Variants in LGI4 observed in about 807,000 individuals in gnomAD.
The protein encoded by LGI4 is leucine rich repeat LGI family member 4.
In LGI4, 36 loss-of-function variants were observed where a neutral mutation model predicts 48.3. That is an observed-to-expected ratio of 0.75 (90% confidence interval 0.57 to 0.98). The LOEUF (loss-of-function observed/expected upper bound fraction) is 0.98, where lower values mean the gene tolerates loss of function less well. Ranked by LOEUF, LGI4 falls within the 50% of genes least tolerant of loss-of-function variation. LGI4 has a pLI of 0.00. For synonymous variants in LGI4, 355 were observed against 331.6 expected (o/e 1.07, Z -0.77); for missense variants, 701 against 732.1 (o/e 0.96, Z 0.49).
Position 35,126,935 on chromosome 19 carries a change from C to T in LGI4, c.711G>A (p.Leu237=), listed in dbSNP as rs754948522. 1.9e-6 allele frequency: 3 copies of T among 1,613,820 alleles called. No homozygotes were observed. Among genetic ancestry groups the T allele is most frequent in the Non-Finnish European group, 1.7e-6 (2 of 1,179,948 alleles). The part of the protein sequence containing the change: ...FSYQGEPHIV[L]AQPFAGRCLI... ...GGCAGCGGCCGGCGAAGGGCTGTGC[C>T]AGCACAATGTGAGGCTCCCCTTGGT... is the stretch of plus-strand genomic sequence containing the variant. The change falls in exon 7 of 9, where the codon CTG becomes CTA. Residue 237 remains leucine (L), a synonymous_variant. Coordinates refer to ENST00000310123, the MANE Select transcript of LGI4 (RefSeq NM_139284.3).
intron 6 of LGI4, chr19:35,131,153 G>T: frequency 1.6e-6 from 1 of 629,324 alleles, no homozygotes; most frequent in Non-Finnish European, 2.8e-6. Flanking sequence ...CAGGCCCGGC[G>T]CCAAATGCCG....
chr19:35,131,471 C>T lies in LGI4; in HGVS notation c.543G>A (p.Gly181=). The change falls in exon 6 of 9, where the codon GGG becomes GGA. Residue 181 remains glycine, a synonymous_variant. Coordinates refer to ENST00000310123, the MANE Select transcript of LGI4 (RefSeq NM_139284.3). ...QWMPTVNASV[G]TGACAGPASL... Reference sequence around the variant, plus strand: ...AGGCGGGGCCCGCACAGGCGCCGGTCCCCACGCTGGCATTCACGGTGGGCA... The same window carrying T: ...AGGCGGGGCCCGCACAGGCGCCGGTTCCCACGCTGGCATTCACGGTGGGCA... 6.4e-7 allele frequency: 1 copy of T among 1,551,380 alleles called. No individual in the cohort carries two copies. Among genetic ancestry groups the T allele is most frequent in the Middle Eastern group, 1.7e-4 (1 of 5,990 alleles).
chr19:35,130,875 T>C (rs924343193), intron 6 of LGI4, among the ~76,000 whole-genome samples: 5 of 152,202 alleles, frequency 3.3e-5, no homozygotes, highest in African/African-American at 1.2e-4. Flanking sequence ...GCCCAGATCG[T>C]CCTGGGCTGT....
chr19:35,134,164 C>G (rs1365227151), intron 1 of LGI4, 60 bp from the exon 2 acceptor site: 3 of 1,461,598 alleles, frequency 2.1e-6, no homozygotes, highest in African/African-American at 2.8e-5. Flanking sequence ...AGTTGCAAAC[C>G]AGAACCTTCT....
intron 8 of LGI4, chr19:35,125,912 C>T (rs898926964): frequency 1.9e-6 from 1 of 523,356 alleles, no homozygotes; most frequent in African/African-American, 1.9e-5. Flanking sequence ...ACTCAGAACC[C>T]TCCCCTGCCT....
chr19:35,126,052 G>A, intron 8 of LGI4: 1 of 607,090 alleles, frequency 1.6e-6, no homozygotes, highest in Middle Eastern at 2.8e-4. Flanking sequence ...CCAGCATTTG[G>A]GGGTAGAATC....
chr19:35,127,831 C>A (rs953256885), intron 6 of LGI4, among the ~76,000 whole-genome samples: 2 of 152,256 alleles, frequency 1.3e-5, no homozygotes, highest in Non-Finnish European at 2.9e-5. Flanking sequence ...CAAAGGCTAA[C>A]TGGCACAGGC....
In LGI4 at chr19:35,126,189, T is replaced by G. The variant is rs770578886; in HGVS notation, c.1299+81A>C. ...TGGTTCAAAGGTCGGCATGTGAGGGTAGGTCAGAGTTTAGAGGCTTAGTGT... is the reference window on the plus strand; with the variant it reads ...TGGTTCAAAGGTCGGCATGTGAGGGGAGGTCAGAGTTTAGAGGCTTAGTGT... On this transcript the variant is annotated intron_variant, in intron 8 of 8. Transcript: ENST00000310123. 7.8e-5 allele frequency: 113 copies of G among 1,454,064 alleles called. 1 individual carries two copies. In the South Asian group the frequency reaches 1.3e-3, roughly 17 times the overall value. The allele number at this position is 1,454,064 out of a possible 1,614,324, so 90.1% of individuals were successfully genotyped here. A position where few individuals can be genotyped will look rare whatever the true frequency, so the allele number is the denominator to read the frequency against.
At chr19:35,133,456 G>A (rs1555734792) in intron 3 of LGI4, 5 of 1,361,982 alleles carry the variant, frequency 3.7e-6, no homozygotes, top group Non-Finnish European at 3.8e-6. Flanking sequence ...TTGAAGCAGA[G>A]AAGTGAGGTG....
At position 35,132,037 on chromosome 19, in the gene LGI4, A is replaced by G. The variant is rs1362862163; in HGVS notation, c.320T>C (p.Ile107Thr). 1 of 1,575,210 alleles carries G rather than the reference A, an allele frequency of 6.3e-7. No individual in the cohort carries two copies. ...AGLSHLQYLF[I>T]EDNEIGSISK... ...GATGGAGCCAATCTCATTGTCCTCGATGAAGCTGTGGAGGGAAGCTGGGGT... is the reference window on the plus strand; with the variant it reads ...GATGGAGCCAATCTCATTGTCCTCGGTGAAGCTGTGGAGGGAAGCTGGGGT... The change falls in exon 4 of 9, where the codon ATC becomes ACC. Residue 107 changes from isoleucine (I) to threonine (T), a missense_variant. This residue lies in a region of LGI4 where 462 missense variants were observed against 436.4 expected (regional missense o/e 1.06). Transcript: ENST00000310123.
chr19:35,129,552 G>C (rs192776614), intron 6 of LGI4, among the ~76,000 whole-genome samples: 1 of 152,270 alleles, frequency 6.6e-6, no homozygotes, highest in East Asian at 1.9e-4. Context: ...GGGCTATGCA[G>C]GACGTGCTTT....
In LGI4 at chr19:35,125,994, G is replaced by C. The variant is rs1276339352; in HGVS notation, c.1299+276C>G. 8.9e-6 allele frequency: 5 copies of C among 564,646 alleles called. No homozygotes were observed. In the African/African-American group the frequency reaches 9.4e-5, roughly 11 times the overall value. The allele number at this position is 564,646 out of a possible 1,614,324, so 35.0% of individuals were successfully genotyped here. On this transcript the variant is annotated intron_variant, in intron 8 of 8. Coordinates refer to ENST00000310123, the MANE Select transcript of LGI4 (RefSeq NM_139284.3). The stretch of plus-strand genomic sequence containing the variant: ...CCTTGGGGGCTCAGTGTCAGGGTGG[G>C]GACAGGTGTGGCTGTGGTGAAGTCT...
chr19:35,132,054 A>G lies in LGI4; in HGVS notation c.315-12T>C. The G allele has an allele frequency of 3.8e-6, 6 of 1,565,436 alleles. No individual in the cohort carries two copies. The highest frequency in any genetic ancestry group is 5.2e-6 in the Non-Finnish European group (6 of 1,154,336). ...TGTCCTCGATGAAGCTGTGGAGGGA[A>G]GCTGGGGTCAGGGGGAGGCCCGCTG... is the stretch of plus-strand genomic sequence containing the variant. On this transcript the variant is annotated splice_polypyrimidine_tract_variant and intron_variant, in intron 3 of 8. Transcript: ENST00000310123.
At position 35,126,917 on chromosome 19, in the gene LGI4, G is replaced by A. The variant is rs1418195691; in HGVS notation, c.729C>T (p.Gly243=). 1.2e-6 allele frequency: 2 copies of A among 1,613,670 alleles called. No homozygotes were observed. Among genetic ancestry groups the A allele is most frequent in the Non-Finnish European group, 1.7e-6 (2 of 1,179,924 alleles). ...AGTCCCAGGAGAGAATCAGGCAGCG[G>A]CCGGCGAAGGGCTGTGCCAGCACAA... ...PHIVLAQPFA[G]RCLILSWDYS... The change falls in exon 7 of 9, where the codon GGC becomes GGT. Residue 243 remains glycine (G), a synonymous_variant. Transcript: ENST00000310123.
At chr19:35,125,582 G>T (rs1051956111) in intron 8 of LGI4, 75 bp from the exon 9 acceptor site, 10 of 1,292,008 alleles carry the variant, frequency 7.7e-6, no homozygotes, top group Non-Finnish European at 1.1e-5. Context: ...GGAAGCAGAA[G>T]CCTGTCGGTC....
chr19:35,131,897 A>C, intron 4 of LGI4, 37 bp from the exon 5 acceptor site: 1 of 1,563,366 alleles, frequency 6.4e-7, no homozygotes, highest in Non-Finnish European at 8.7e-7. Flanking sequence ...AGCAGCCACA[A>C]GGATACCCTG....
At position 35,125,151 on chromosome 19, in the gene LGI4, C is replaced by A. The variant is rs200610703; in HGVS notation, c.*42G>T. On this transcript the variant is annotated 3_prime_UTR_variant, in exon 9 of 9. Coordinates refer to ENST00000310123, the MANE Select transcript of LGI4 (RefSeq NM_139284.3). Reference sequence around the variant, plus strand: ...TAGGGCCAGGAGCCAGCCAAGGGGCCGTCCAGGGGCCCCAGCCATGCCCAG... The same window carrying A: ...TAGGGCCAGGAGCCAGCCAAGGGGCAGTCCAGGGGCCCCAGCCATGCCCAG... 39 of 1,487,514 alleles carry A rather than the reference C, an allele frequency of 2.6e-5. No homozygotes were observed. The Admixed American group carries it at 7.1e-4, about 27-fold the overall frequency. 92.1% of individuals were successfully genotyped at this position (1,487,514 alleles called of 1,614,324 possible). A position where few individuals can be genotyped will look rare whatever the true frequency, so the allele number is the denominator to read the frequency against.
At chr19:35,130,615 T>C (rs2145365426) in intron 6 of LGI4, among the ~76,000 whole-genome samples, 1 of 152,328 alleles carries the variant, frequency 6.6e-6, no homozygotes, top group African/African-American at 2.4e-5. Flanking sequence ...GAGGATCTCT[T>C]GAGCACAGGA....
chr19:35,134,443 C>T, intron 1 of LGI4, 68 bp downstream of exon 1: 1 of 1,497,628 alleles, frequency 6.7e-7, no homozygotes, highest in Non-Finnish European at 9.1e-7. Flanking sequence ...CCCGGCACCA[C>T]ATCCCAACCT....
Sources: gnomAD v4.1 joint callset for allele counts (sites outside exome capture counted in the v4.1 genomes callset) on GRCh38, gnomAD v4.1.1 for gene constraint, gnomAD v4.1.1 regional missense constraint, MANE v1.5 for transcripts, NCBI Gene and HGNC (gene_info 2026-07-23, HGNC 2026-07-21) for gene names.